The following PLCE1 variants were observed in gnomAD, a reference collection of about 807,000 sequenced individuals.
PLCE1 encodes the protein phospholipase C epsilon 1.
PLCE1 carries 119 observed loss-of-function variants against 242.8 expected under a neutral mutation model. That is an observed-to-expected ratio of 0.49 (90% CI 0.42 to 0.57). The LOEUF is 0.57. Ranked by LOEUF, PLCE1 falls within the 20% of genes least tolerant of loss-of-function variation. The probability of loss-of-function intolerance (pLI) is 0.00; values close to 1 mark genes in which losing one functional copy is unlikely to be tolerated. For missense variants in PLCE1, 2,441 were observed against 2,788.8 expected (o/e 0.88, Z 2.81); for synonymous variants, 945 against 1,017.4 (o/e 0.93, Z 1.35).
chr10:94,304,532 G>C lies in PLCE1; in HGVS notation c.5509G>C (p.Gly1837Arg). The C allele has an allele frequency of 6.2e-7, 1 of 1,613,964 alleles. No individual in the cohort carries two copies. Among genetic ancestry groups the C allele is most frequent in the Non-Finnish European group, 8.5e-7 (1 of 1,179,888 alleles). The part of the protein sequence containing the change: ...AAMFEANGGC[G>R]YVLKPPVLWD... ...AATGTTTGAGGCAAATGGTGGTTGT[G>C]GTTATGTATTGAAACCTCCAGTTCT... Residue 1837 changes from glycine to arginine, a missense_variant, in exon 25 of 33, where the codon GGT (glycine) becomes CGT (arginine). Gly to Arg is a moderately radical substitution (Grantham distance 125). Transcript: ENST00000371380.
intron 22 of PLCE1, among the ~76,000 whole-genome samples, chr10:94,285,667 T>A (rs1013093334): frequency 6.6e-6 from 1 of 152,164 alleles, no homozygotes; most frequent in Non-Finnish European, 1.5e-5. Context: ...CCCGCAGAAG[T>A]GTCATTGTTT....
chr10:94,154,895 CAT>C (rs56833534), intron 3 of PLCE1, among the ~76,000 whole-genome samples: 176 of 144,624 alleles, frequency 1.2e-3, no homozygotes, highest in African/African-American at 3.2e-3. Flanking sequence ...TATATATATA[CAT>C]ATATATATAT....
At chr10:94,089,648 G>A (rs780964651) in intron 2 of PLCE1, among the ~76,000 whole-genome samples, 13 of 152,112 alleles carry the variant, frequency 8.5e-5, no homozygotes, top group African/African-American at 1.9e-4. Flanking sequence ...ACAAGATCTC[G>A]ATAGGTATCC....
intron 2 of PLCE1, among the ~76,000 whole-genome samples, chr10:94,127,937 G>T (rs2046480853): frequency 6.7e-6 from 1 of 149,436 alleles, no homozygotes; most frequent in South Asian, 2.1e-4. Context: ...GCTTTTCCAT[G>T]ATTCCTTCTT....
At position 94,265,843 on chromosome 10, in the gene PLCE1, A is replaced by G; in HGVS notation, c.4166A>G (p.Glu1389Gly). The G allele has an allele frequency of 4.3e-6, 7 of 1,614,116 alleles. No individual in the cohort carries two copies. The highest frequency in any genetic ancestry group is 5.9e-6 in the Non-Finnish European group (7 of 1,179,990). ...GCCTCAAAAAATGATGAGTCACAGGAGAACATTAAAGAACTGCAGCTACCC... is the reference window on the plus strand; with the variant it reads ...GCCTCAAAAAATGATGAGTCACAGGGGAACATTAAAGAACTGCAGCTACCC... ...NFASKNDESQ[E>G]NIKELQLPLS... Residue 1389 changes from glutamate to glycine, a missense_variant, in exon 16 of 33, where the codon GAG becomes GGG. Glu to Gly is a moderately conservative substitution (Grantham distance 98). Transcript: ENST00000371380.
At position 94,332,531 on chromosome 10, in the gene PLCE1, G is replaced by GCC. The variant is rs1262439561; in HGVS notation, c.*4588_*4589insCC. On this transcript the variant is annotated 3_prime_UTR_variant, in exon 33 of 33. Coordinates refer to ENST00000371380, the MANE Select transcript of PLCE1 (RefSeq NM_016341.4). Reference sequence around the variant, plus strand: ...TGTGTGTGTGTGTGTGTGTGTGTGTGTGTGTGTGTGTGTGTGTTTAAACAT... The same window carrying GCC: ...TGTGTGTGTGTGTGTGTGTGTGTGTGCCTGTGTGTGTGTGTGTGTTTAAACAT... 6.6e-6 allele frequency: 1 copy of GCC among 151,870 alleles called. No homozygotes were observed. Among genetic ancestry groups the GCC allele is most frequent in the Non-Finnish European group, 1.5e-5 (1 of 68,048 alleles). 9.4% of individuals were successfully genotyped at this position (151,870 alleles called of 1,614,324 possible).
intron 22 of PLCE1, among the ~76,000 whole-genome samples, chr10:94,286,515 G>A (rs1213699707): frequency 1.3e-5 from 2 of 152,032 alleles, no homozygotes; most frequent in South Asian, 2.1e-4. Flanking sequence ...GTAATAGTGA[G>A]CTTTTCACAC....
intron 19 of PLCE1, chr10:94,279,333 A>G (rs753293458): frequency 2.7e-5 from 5 of 183,706 alleles, no homozygotes; most frequent in Non-Finnish European, 5.7e-5. Flanking sequence ...CTCTTTGTCC[A>G]TAGGGATTCT....
At chr10:94,247,328 A>G (rs2050720664) in intron 8 of PLCE1, among the ~76,000 whole-genome samples, 1 of 151,064 alleles carries the variant, frequency 6.6e-6, no homozygotes, top group Non-Finnish European at 1.5e-5. Context: ...ATTTTGTATT[A>G]TATTTATATA....
chr10:94,006,822 T>G (rs1589843342), intron 1 of PLCE1, among the ~76,000 whole-genome samples: 1 of 152,186 alleles, frequency 6.6e-6, no homozygotes, highest in Non-Finnish European at 1.5e-5. Flanking sequence ...AGGCTCAAAA[T>G]GACTGTGGCA....
chr10:94,067,139 C>G (rs1328946502), intron 2 of PLCE1, among the ~76,000 whole-genome samples: 3 of 152,194 alleles, frequency 2.0e-5, no homozygotes, highest in Non-Finnish European at 4.4e-5. Flanking sequence ...AGGACCAGAC[C>G]CTGTTACCTC....
At chr10:94,313,556 C>G (rs1201896696) in intron 28 of PLCE1, among the ~76,000 whole-genome samples, 174 bp downstream of exon 28, 1 of 152,220 alleles carries the variant, frequency 6.6e-6, no homozygotes, top group Non-Finnish European at 1.5e-5. Flanking sequence ...TTGAGATCCA[C>G]TCCAAGAATC....
chr10:94,020,881 G>C (rs1053595563), intron 1 of PLCE1, among the ~76,000 whole-genome samples: 1 of 152,120 alleles, frequency 6.6e-6, no homozygotes, highest in Non-Finnish European at 1.5e-5. Flanking sequence ...CCACACTGGG[G>C]TACAGTGGCA....
chr10:94,209,197 A>G (rs1327863566), intron 4 of PLCE1, among the ~76,000 whole-genome samples: 1 of 152,222 alleles, frequency 6.6e-6, no homozygotes, highest in African/African-American at 2.4e-5. Flanking sequence ...AAACATGTCC[A>G]GTATTTTTAG....
chr10:94,052,939 G>A (rs907205698), intron 2 of PLCE1, among the ~76,000 whole-genome samples: 36 of 152,146 alleles, frequency 2.4e-4, no homozygotes, highest in African/African-American at 8.4e-4. Flanking sequence ...GAAAAAATCT[G>A]GAGTGGAATA....
At chr10:94,069,045 T>A (rs973490558) in intron 2 of PLCE1, among the ~76,000 whole-genome samples, 3 of 152,208 alleles carry the variant, frequency 2.0e-5, no homozygotes, top group Non-Finnish European at 4.4e-5. Flanking sequence ...AGAAAAGGAA[T>A]CCTTTACAAA....
chr10:94,112,773 A>G (rs867509632), intron 2 of PLCE1, among the ~76,000 whole-genome samples: 3 of 152,316 alleles, frequency 2.0e-5, no homozygotes, highest in South Asian at 4.1e-4. Flanking sequence ...AGGAGTCTCA[A>G]TGGAGCTTTT....
At chr10:94,229,379 C>T (rs927401733) in intron 5 of PLCE1, among the ~76,000 whole-genome samples, 2 of 152,196 alleles carry the variant, frequency 1.3e-5, no homozygotes, top group Non-Finnish European at 2.9e-5. Flanking sequence ...CATCACAGCA[C>T]GGTGACTGGC....
intron 13 of PLCE1, among the ~76,000 whole-genome samples, chr10:94,259,897 C>A (rs568445303): frequency 6.6e-6 from 1 of 152,216 alleles, no homozygotes; most frequent in South Asian, 2.1e-4. Context: ...TGGCAGCAGA[C>A]AAGAGAACTT....
Sources: allele counts gnomAD v4.1 joint callset (sites outside exome capture counted in the v4.1 genomes callset), GRCh38; gene constraint gnomAD v4.1.1; transcripts MANE v1.5; gene names NCBI Gene and HGNC (gene_info 2026-07-23, HGNC 2026-07-21).